PDE4D: variants seen among roughly 807,000 people sequenced by gnomAD.
The protein encoded by PDE4D is 3',5'-cyclic-AMP phosphodiesterase 4D.
In PDE4D, 24 loss-of-function variants were observed where a neutral mutation model predicts 87.4. The ratio of observed to expected loss-of-function variants is 0.27; its 90% CI spans 0.20 to 0.39. The LOEUF (loss-of-function observed/expected upper bound fraction) is 0.39, where lower values mean the gene tolerates loss of function less well. Among genes scored for constraint, PDE4D ranks in the 10% least tolerant of loss-of-function variants. The probability of loss-of-function intolerance (pLI) is 1.00; values close to 1 mark genes in which losing one functional copy is unlikely to be tolerated. For missense variants in PDE4D, 714 were observed against 1,041.0 expected, an observed-to-expected ratio of 0.69 and a Z score of 4.32; for synonymous variants, 384 against 383.2, an observed-to-expected ratio of 1.00 and a Z score of -0.02.
chr5:59,836,615 G>GATCT (rs1357904106), intron 1 of PDE4D, among the ~76,000 whole-genome samples: 4 of 102,570 alleles, frequency 3.9e-5, no homozygotes, highest in Admixed American at 3.9e-4. Context: ...CCACTTCCAA[G>GATCT]ATGTATCTAT....
chr5:60,030,133 G>C (rs1389879048), intron 2 of PDE4D, among the ~76,000 whole-genome samples: 2 of 152,208 alleles, frequency 1.3e-5, no homozygotes, highest in African/African-American at 4.8e-5. Context: ...TAACCCCAAT[G>C]TCCATGAGCC....
chr5:59,528,689 T>G (rs764209222), intron 1 of PDE4D, among the ~76,000 whole-genome samples: 6 of 152,012 alleles, frequency 3.9e-5, no homozygotes, highest in Non-Finnish European at 5.9e-5. Context: ...CAAAAGGAGG[T>G]TATGAGATAG....
chr5:59,618,445 C>G (rs1829966497), intron 1 of PDE4D, among the ~76,000 whole-genome samples: 1 of 152,102 alleles, frequency 6.6e-6, no homozygotes, highest in African/African-American at 2.4e-5. Flanking sequence ...AAAGAGAGGA[C>G]CTGACAAAAG....
rs192063607 is a variant in PDE4D at position 59,045,174 on chromosome 5, G to T, written c.809-6203C>A. 1.5e-3 allele frequency among the ~76,000 whole-genome samples: 235 copies of T among 152,296 alleles called. 2 individuals are homozygous for T. The highest frequency in any genetic ancestry group is 5.4e-3 in the African/African-American group (225 of 41,562). On this transcript the variant is annotated intron_variant, in intron 5 of 14. Transcript: ENST00000340635. ...AGGGACAGAGGTGGAGTGGGAAAAG[G>T]CTGAGTCCTCAAGAATGAAATAAAA... is the stretch of plus-strand genomic sequence containing the variant.
chr5:59,676,572 T>A (rs551871112), intron 1 of PDE4D, among the ~76,000 whole-genome samples: 1 of 152,284 alleles, frequency 6.6e-6, no homozygotes, highest in East Asian at 1.9e-4. Flanking sequence ...TAAAGAACCA[T>A]TTTATTCATT....
At chr5:59,571,248 G>A (rs1049169503) in intron 1 of PDE4D, among the ~76,000 whole-genome samples, 1 of 152,226 alleles carries the variant, frequency 6.6e-6, no homozygotes, top group African/African-American at 2.4e-5. Flanking sequence ...CCAGGCTGAT[G>A]TACTGGACAC....
intron 1 of PDE4D, among the ~76,000 whole-genome samples, chr5:59,774,637 C>T (rs964878271): frequency 5.3e-5 from 8 of 150,464 alleles, no homozygotes; most frequent in African/African-American, 2.0e-4. Flanking sequence ...TTGAAAGAAA[C>T]GTTAACATTT....
intron 3 of PDE4D, among the ~76,000 whole-genome samples, chr5:59,960,005 A>C (rs189126602): frequency 1.6e-4 from 24 of 152,256 alleles, no homozygotes; most frequent in African/African-American, 5.8e-4. Context: ...AATAAGAAAA[A>C]AACCAAATAA....
At chr5:60,055,855 AC>A (rs779646996) in intron 2 of PDE4D, among the ~76,000 whole-genome samples, 1 of 152,200 alleles carries the variant, frequency 6.6e-6, no homozygotes, top group East Asian at 1.9e-4. Context: ...GAAAGTAGTA[AC>A]ACAAAGAAGC....
chr5:60,463,850 T>G (rs558780598), intron 1 of PDE4D, among the ~76,000 whole-genome samples: 95 of 152,168 alleles, frequency 6.2e-4, no homozygotes, highest in Non-Finnish European at 1.2e-3. Flanking sequence ...TGGCTCTCTA[T>G]CCATTGACTT....
chr5:59,432,706 G>A (rs536956337), intron 1 of PDE4D, among the ~76,000 whole-genome samples: 6 of 152,036 alleles, frequency 3.9e-5, no homozygotes, highest in Non-Finnish European at 8.8e-5. Context: ...TTAAGGTGTC[G>A]CAAAAGTAAG....
chr5:59,566,820 G>C (rs1821010837), intron 1 of PDE4D, among the ~76,000 whole-genome samples: 1 of 151,812 alleles, frequency 6.6e-6, no homozygotes, highest in Non-Finnish European at 1.5e-5. Flanking sequence ...ATCTATTTTG[G>C]CCATTTTGTC....
chr5:60,347,705 G>A (rs1758847759), intron 1 of PDE4D, among the ~76,000 whole-genome samples: 1 of 152,112 alleles, frequency 6.6e-6, no homozygotes, highest in Admixed American at 6.6e-5. Flanking sequence ...AAGCACTACT[G>A]AAGCCAGCTG....
At chr5:60,161,988 C>T (rs1782506616) in intron 2 of PDE4D, among the ~76,000 whole-genome samples, 1 of 152,112 alleles carries the variant, frequency 6.6e-6, no homozygotes, top group Middle Eastern at 3.2e-3. Context: ...GCTGCGTCCA[C>T]CACCAAAAGC....
rs1313880321 is a variant in PDE4D, at chr5:59,244,708, GTGTGTGTGTGTGTGTA to G, written c.456-28756_456-28741del. Among the ~76,000 whole-genome samples the G allele has an allele frequency of 6.3e-4, 93 of 146,536 alleles. 1 individual carries two copies. Among genetic ancestry groups the G allele is most frequent in the Admixed American group, 2.5e-3 (37 of 14,580 alleles). ...TGTGTGTGTGTGTGTGTGTGTGTGT[GTGTGTGTGTGTGTGTA>G]TAGAGAGACCGACCTGATTTCATCT... On this transcript the variant is annotated intron_variant, in intron 1 of 14. Transcript: ENST00000340635.
chr5:59,880,376 C>G (rs1002226338), intron 1 of PDE4D, among the ~76,000 whole-genome samples: 1 of 152,140 alleles, frequency 6.6e-6, no homozygotes, highest in South Asian at 2.1e-4. Context: ...TCCTAAAGTA[C>G]GGCGATTACA....
intron 1 of PDE4D, among the ~76,000 whole-genome samples, chr5:59,424,220 G>A (rs1794887851): frequency 1.3e-5 from 2 of 152,110 alleles, no homozygotes; most frequent in African/African-American, 4.8e-5. Flanking sequence ...TGGGGAACTG[G>A]AGATATACAT....
At chr5:60,407,057 G>A (rs1201253869) in intron 1 of PDE4D, among the ~76,000 whole-genome samples, 1 of 151,974 alleles carries the variant, frequency 6.6e-6, no homozygotes, top group African/African-American at 2.4e-5. Context: ...GAGATGTGAC[G>A]GAAAAAGCGG....
At chr5:59,132,574 A>C (rs557276043) in intron 5 of PDE4D, among the ~76,000 whole-genome samples, 2 of 152,344 alleles carry the variant, frequency 1.3e-5, no homozygotes, top group African/African-American at 4.8e-5. Context: ...TTTCAGGTAC[A>C]GTTTTAAAAA....
Sources: allele counts gnomAD v4.1 joint callset (sites outside exome capture counted in the v4.1 genomes callset), GRCh38; gene constraint gnomAD v4.1.1; transcripts MANE v1.5; gene names NCBI Gene and HGNC (gene_info 2026-07-23, HGNC 2026-07-21).